Variants in STAU2 observed in about 807,000 individuals in gnomAD.
STAU2 encodes the protein double-stranded RNA-binding protein Staufen homolog 2.
In STAU2, 20 loss-of-function variants were observed where a neutral mutation model predicts 65.9. The observed-to-expected ratio is 0.30, with a 90% confidence interval of 0.21 to 0.44. The LOEUF is 0.44. Among genes scored for constraint, STAU2 ranks in the 20% least tolerant of loss-of-function variants. The pLI, the probability that STAU2 is intolerant of heterozygous loss-of-function variation, is 1.00. For synonymous variants in STAU2, 232 were observed against 233.9 expected (o/e 0.99, Z 0.07); for missense variants, 558 against 683.9 (o/e 0.82, Z 2.05).
intron 13 of STAU2, among the ~76,000 whole-genome samples, chr8:73,499,546 T>C (rs1310323805): frequency 6.6e-6 from 1 of 151,862 alleles, no homozygotes; most frequent in Non-Finnish European, 1.5e-5. Context: ...TAGGCCTTTG[T>C]ATTTGGCAAT....
chr8:73,706,408 T>C (rs1380722462), intron 4 of STAU2, among the ~76,000 whole-genome samples: 1 of 152,120 alleles, frequency 6.6e-6, no homozygotes, highest in African/African-American at 2.4e-5. Flanking sequence ...TGAGTCACCA[T>C]GCCCAGCCCC....
At chr8:73,633,657 T>C (rs756541088) in intron 6 of STAU2, among the ~76,000 whole-genome samples, 1 of 151,996 alleles carries the variant, frequency 6.6e-6, no homozygotes, top group Non-Finnish European at 1.5e-5. Context: ...TGAGGAGCTT[T>C]AAAAAATACT....
chr8:73,562,128 T>G (rs905941800), intron 12 of STAU2, among the ~76,000 whole-genome samples: 3 of 152,240 alleles, frequency 2.0e-5, no homozygotes, highest in African/African-American at 7.2e-5. Context: ...ATATTGAACT[T>G]CATTTCTTCA....
intron 13 of STAU2, among the ~76,000 whole-genome samples, chr8:73,512,646 T>C (rs1381425233): frequency 6.6e-6 from 1 of 152,126 alleles, no homozygotes; most frequent in Non-Finnish European, 1.5e-5. Context: ...ATAGGGTGTG[T>C]GTGTGTATGT....
intron 11 of STAU2, among the ~76,000 whole-genome samples, chr8:73,585,802 TG>T (rs1810325818): frequency 6.6e-6 from 1 of 152,166 alleles, no homozygotes; most frequent in Admixed American, 6.5e-5. Flanking sequence ...CACCTTTAAT[TG>T]TAATAATCCC....
chr8:73,702,568 T>C (rs1474078795), intron 4 of STAU2, among the ~76,000 whole-genome samples: 1 of 151,972 alleles, frequency 6.6e-6, no homozygotes, highest in Admixed American at 6.6e-5. Context: ...CCCACAAAAA[T>C]TAAAAATAAT....
chr8:73,527,584 T>C (rs1025246613), intron 13 of STAU2: 2 of 687,098 alleles, frequency 2.9e-6, no homozygotes, highest in Non-Finnish European at 4.7e-6. Context: ...TAGCAGATAA[T>C]GTATTAAGGA....
chr8:73,573,779 T>C (rs1424619016), intron 12 of STAU2, among the ~76,000 whole-genome samples: 1 of 152,164 alleles, frequency 6.6e-6, no homozygotes, highest in Non-Finnish European at 1.5e-5. Context: ...ACTGAAATGT[T>C]AGACCTAAAA....
At chr8:73,525,931 C>G (rs936468176) in intron 13 of STAU2, among the ~76,000 whole-genome samples, 2 of 152,190 alleles carry the variant, frequency 1.3e-5, no homozygotes, top group African/African-American at 4.8e-5. Flanking sequence ...ACCTAGCATA[C>G]AGTCAATTTG....
chr8:73,632,302 G>C (rs1205884642), intron 6 of STAU2, among the ~76,000 whole-genome samples: 4 of 150,542 alleles, frequency 2.7e-5, no homozygotes, highest in Non-Finnish European at 5.9e-5. Flanking sequence ...TTGATTTGGA[G>C]AAAGCCTGCC....
At chr8:73,676,299 A>G (rs1818023291) in intron 5 of STAU2, among the ~76,000 whole-genome samples, 1 of 152,214 alleles carries the variant, frequency 6.6e-6, no homozygotes, top group East Asian at 1.9e-4. Context: ...ACTACACTGC[A>G]GAGGGGAATG....
chr8:73,522,660 T>C (rs895586031), intron 13 of STAU2, among the ~76,000 whole-genome samples: 2 of 152,180 alleles, frequency 1.3e-5, no homozygotes, highest in Non-Finnish European at 2.9e-5. Context: ...TTCTGGACAA[T>C]TGAACTAATT....
intron 12 of STAU2, among the ~76,000 whole-genome samples, chr8:73,573,759 T>C (rs976360658): frequency 5.9e-5 from 9 of 152,164 alleles, no homozygotes; most frequent in African/African-American, 1.9e-4. Context: ...TAATTCAAGA[T>C]GGATTAAACA....
Position 73,428,061 on chromosome 8 carries a change from CCAAAA to C in STAU2, c.1531-5364_1531-5360del, listed in dbSNP as rs368057553. Among the ~76,000 whole-genome samples, 53 of 152,298 alleles carry C rather than the reference CCAAAA, an allele frequency of 3.5e-4. No homozygotes were observed. In the East Asian group the frequency reaches 5.6e-3, roughly 16 times the overall value. ...ATTCACCACACTGTGCAGTAGATGT[CCAAAA>C]AAATCAAACTTATCCTTTTTATCTG... On this transcript the variant is annotated intron_variant, in intron 13 of 14. Transcript: ENST00000524300.
At chr8:73,525,182 G>C (rs1440651344) in intron 13 of STAU2, among the ~76,000 whole-genome samples, 8 of 152,130 alleles carry the variant, frequency 5.3e-5, no homozygotes, top group Admixed American at 6.6e-5. Context: ...CACATTTCCT[G>C]AAAGTTTCTA....
intron 3 of STAU2, among the ~76,000 whole-genome samples, chr8:73,710,735 A>G (rs1329154848): frequency 6.6e-6 from 1 of 151,974 alleles, no homozygotes; most frequent in Non-Finnish European, 1.5e-5. Context: ...TTCCCATAAA[A>G]AATGCCAAAA....
At chr8:73,731,046 A>G (rs1806028449) in intron 3 of STAU2, among the ~76,000 whole-genome samples, 1 of 152,214 alleles carries the variant, frequency 6.6e-6, no homozygotes, top group African/African-American at 2.4e-5. Flanking sequence ...CATGTATTCT[A>G]CAACATACTT....
rs190692851 is a variant in STAU2 at position 73,602,069 on chromosome 8, A to G, written c.1029+1657T>C. ...CCTCTTTTTGGATATCTGGGTTCCC[A>G]GGAGTGACTTATCTATGACTACATT... On this transcript the variant is annotated intron_variant, in intron 10 of 14. Coordinates refer to ENST00000524300, the MANE Select transcript of STAU2 (RefSeq NM_001164380.2). Among the ~76,000 whole-genome samples the G allele has an allele frequency of 3.9e-5, 6 of 152,302 alleles. 1 individual carries two copies. Among genetic ancestry groups the G allele is most frequent in the Middle Eastern group, 6.8e-3 (2 of 294 alleles).
chr8:73,718,389 C>T (rs567352501), intron 3 of STAU2, among the ~76,000 whole-genome samples: 1 of 152,300 alleles, frequency 6.6e-6, no homozygotes, highest in Admixed American at 6.5e-5. Context: ...AAATAACCAT[C>T]TTTGTAAACA....
Sources: gnomAD v4.1 joint callset for allele counts (sites outside exome capture counted in the v4.1 genomes callset) on GRCh38, gnomAD v4.1.1 for gene constraint, MANE v1.5 for transcripts, NCBI Gene and HGNC (gene_info 2026-07-23, HGNC 2026-07-21) for gene names.